The following USP34 variants were observed in gnomAD, a reference collection of about 807,000 sequenced individuals.
USP34 encodes the protein ubiquitin carboxyl-terminal hydrolase 34.
Under a neutral mutation model 460.3 loss-of-function variants are expected in USP34, and 70 were observed. That is an observed-to-expected ratio of 0.15 (90% confidence interval 0.13 to 0.19). USP34 has a LOEUF of 0.19. Ranked by LOEUF, USP34 falls within the 10% of genes least tolerant of loss-of-function variation. The pLI, the probability that USP34 is intolerant of heterozygous loss-of-function variation, is 1.00. For synonymous variants in USP34, 1,647 were observed against 1,405.3 expected (o/e 1.17, Z -3.85); for missense variants, 3,985 against 4,236.2 (o/e 0.94, Z 1.65).
intron 1 of USP34, among the ~76,000 whole-genome samples, chr2:61,423,907 T>C (rs2103979972): frequency 6.6e-6 from 1 of 152,350 alleles, no homozygotes; most frequent in East Asian, 1.9e-4. Flanking sequence ...TAGTGAGATA[T>C]GATCATGCCA....
At chr2:61,196,636 A>T (rs1686819253) in intron 75 of USP34, among the ~76,000 whole-genome samples, 1 of 151,590 alleles carries the variant, frequency 6.6e-6, no homozygotes, top group Admixed American at 6.6e-5. Context: ...GGCTCAGATG[A>T]TTCTCCCACC....
chr2:61,433,821 G>A (rs946705204), intron 1 of USP34, among the ~76,000 whole-genome samples: 10 of 152,066 alleles, frequency 6.6e-5, no homozygotes, highest in African/African-American at 2.4e-4. Context: ...TGAAACCAGA[G>A]CCACCTCTGG....
At chr2:61,244,507 C>A (rs970537847) in intron 51 of USP34, among the ~76,000 whole-genome samples, 1 of 151,912 alleles carries the variant, frequency 6.6e-6, no homozygotes, top group African/African-American at 2.4e-5. Flanking sequence ...CCCAGCTACT[C>A]CCGAGGCTGA....
At chr2:61,465,629 G>A (rs1318647898) in intron 1 of USP34, among the ~76,000 whole-genome samples, 1 of 151,992 alleles carries the variant, frequency 6.6e-6, no homozygotes, top group Non-Finnish European at 1.5e-5. Flanking sequence ...AATGGCTTCA[G>A]ACCAGGAGTT....
chr2:61,292,074 G>A (rs934522386), intron 33 of USP34, among the ~76,000 whole-genome samples: 6 of 152,064 alleles, frequency 3.9e-5, no homozygotes, highest in Admixed American at 6.5e-5. Context: ...TTTAGGGGGA[G>A]GTTTCTTTTG....
chr2:61,470,365 A>T (rs1695914725), intron 1 of USP34, among the ~76,000 whole-genome samples: 1 of 152,016 alleles, frequency 6.6e-6, no homozygotes, highest in South Asian at 2.1e-4. Context: ...TGCCTTCATT[A>T]ATTGACACCT....
At chr2:61,301,910 T>C (rs1485559167) in intron 27 of USP34, among the ~76,000 whole-genome samples, 1 of 151,154 alleles carries the variant, frequency 6.6e-6, no homozygotes, top group Non-Finnish European at 1.5e-5. Flanking sequence ...TAACACCTCA[T>C]ATTTGTTATC....
chr2:61,360,384 G>C (rs1311933625), intron 10 of USP34, among the ~76,000 whole-genome samples: 1 of 152,100 alleles, frequency 6.6e-6, no homozygotes, highest in Non-Finnish European at 1.5e-5. Flanking sequence ...AAAATCAGCA[G>C]CATTTCTAAG....
At chr2:61,391,917 T>G (rs1693358724) in intron 5 of USP34, among the ~76,000 whole-genome samples, 1 of 152,104 alleles carries the variant, frequency 6.6e-6, no homozygotes, top group Non-Finnish European at 1.5e-5. Flanking sequence ...CTCAGAAAAT[T>G]AACAAACAGA....
At chr2:61,425,801 C>T (rs192964450) in intron 1 of USP34, among the ~76,000 whole-genome samples, 22 of 152,176 alleles carry the variant, frequency 1.4e-4, no homozygotes, top group Non-Finnish European at 2.9e-4. Flanking sequence ...CCAGGCGGGG[C>T]AGCCAATGGA....
At chr2:61,261,743 G>C (rs1398459546) in intron 43 of USP34, among the ~76,000 whole-genome samples, 1 of 152,110 alleles carries the variant, frequency 6.6e-6, no homozygotes, top group Non-Finnish European at 1.5e-5. Flanking sequence ...ATAATTAACT[G>C]AAGTGTTCAT....
At chr2:61,379,799 A>C (rs905526701) in intron 7 of USP34, among the ~76,000 whole-genome samples, 4 of 152,278 alleles carry the variant, frequency 2.6e-5, no homozygotes, top group African/African-American at 4.8e-5. Context: ...AATTTGGCCT[A>C]CGGCCCAATA....
At chr2:61,378,450 G>C (rs755363481) in intron 7 of USP34, 26 bp from the exon 8 acceptor site, 13 of 1,539,840 alleles carry the variant, frequency 8.4e-6, no homozygotes, top group African/African-American at 8.4e-5. Context: ...AGAAATTAAG[G>C]GTTTTTATTT....
At chr2:61,336,599 C>T (rs760967505) in intron 18 of USP34, among the ~76,000 whole-genome samples, 16 of 151,528 alleles carry the variant, frequency 1.1e-4, no homozygotes, top group Admixed American at 2.0e-4. Flanking sequence ...CACTTGAGGT[C>T]GGGAGTTCGA....
intron 10 of USP34, among the ~76,000 whole-genome samples, chr2:61,354,620 C>A (rs552056488): frequency 2.0e-5 from 3 of 152,264 alleles, no homozygotes; most frequent in African/African-American, 7.2e-5. Context: ...GCAGCCAGGG[C>A]TGAAATGACC....
chr2:61,270,588 G>A lies in USP34; in HGVS notation c.5434-4421C>T, dbSNP rs543575674. ...GTAGCTGTGATTACGGGTATGCACC[G>A]CCATGCCTGGCTAATTTTTGTATTT... On this transcript the variant is annotated intron_variant, in intron 41 of 79. Transcript: ENST00000398571. Among the ~76,000 whole-genome samples, 17 of 152,100 alleles carry A rather than the reference G, an allele frequency of 1.1e-4. No homozygotes were observed. In the South Asian group the frequency reaches 1.7e-3, roughly 15 times the overall value.
At chr2:61,307,023 T>C in intron 27 of USP34, among the ~76,000 whole-genome samples, 1 of 152,182 alleles carries the variant, frequency 6.6e-6, no homozygotes, top group Admixed American at 6.5e-5. Context: ...CACATATGTT[T>C]ATTGTGGCAC....
chr2:61,338,581 A>T (rs1293440079), intron 18 of USP34, among the ~76,000 whole-genome samples: 1 of 152,234 alleles, frequency 6.6e-6, no homozygotes, highest in Non-Finnish European at 1.5e-5. Context: ...AAAACAATAT[A>T]TTAATAACTG....
intron 1 of USP34, among the ~76,000 whole-genome samples, chr2:61,443,504 A>AC (rs1236341585): frequency 5.9e-5 from 9 of 152,044 alleles, no homozygotes; most frequent in Non-Finnish European, 7.4e-5. Flanking sequence ...AAAAAAAAAA[A>AC]AACTATCAAG....
Sources: gnomAD v4.1 joint callset for allele counts (sites outside exome capture counted in the v4.1 genomes callset) on GRCh38, gnomAD v4.1.1 for gene constraint, MANE v1.5 for transcripts, NCBI Gene and HGNC (gene_info 2026-07-23, HGNC 2026-07-21) for gene names.